GGTA1: variants seen among roughly 807,000 people sequenced by gnomAD.
GGTA1 encodes the protein inactive N-acetyllactosaminide alpha-1,3-galactosyltransferase.
A neutral mutation model predicts 2.6 loss-of-function variants in GGTA1; 5 were observed. That is an observed-to-expected ratio of 1.92 (90% CI 1.00 to 4.04). The LOEUF is 4.04. GGTA1 is among the 30% of genes most tolerant of loss of function. The pLI, the probability that GGTA1 is intolerant of heterozygous loss-of-function variation, is 0.00. For missense variants in GGTA1, 50 were observed against 16.7 expected (o/e 2.99, Z -3.47); for synonymous variants, 17 against 5.0 (o/e 3.38, Z -3.19).
chr9:121,461,343 A>G (rs1052692612), intron 3 of GGTA1, 26 bp from the exon 4 acceptor site: 1 of 453,242 alleles, frequency 2.2e-6, no homozygotes, highest in East Asian at 7.0e-5. Context: ...GTTTACAAAT[A>G]TTTTTAGAAA....
intron 1 of GGTA1, chr9:121,478,980 T>C (rs1173318816): frequency 2.3e-6 from 1 of 443,040 alleles, no homozygotes; most frequent in African/African-American, 2.1e-5. Context: ...ATTAACAACT[T>C]AAATCCTTCA....
chr9:121,449,247 T>C (rs2064866595), intron 7 of GGTA1, among the ~76,000 whole-genome samples: 1 of 152,262 alleles, frequency 6.6e-6, no homozygotes, highest in African/African-American at 2.4e-5. Flanking sequence ...AAATAAAGCT[T>C]CTGTAAATAT....
chr9:121,472,897 G>T (rs1305026783), intron 1 of GGTA1, among the ~76,000 whole-genome samples: 1 of 152,130 alleles, frequency 6.6e-6, no homozygotes, highest in Non-Finnish European at 1.5e-5. Context: ...TCCAAATACA[G>T]AGATGTTTAT....
chr9:121,453,255 A>G (rs1317581216), downstream of GGTA1, among the ~76,000 whole-genome samples: 1 of 152,224 alleles, frequency 6.6e-6, no homozygotes, highest in Non-Finnish European at 1.5e-5. Flanking sequence ...GGGCTCTGGC[A>G]AGGACCTTCT....
intron 5 of GGTA1, among the ~76,000 whole-genome samples, chr9:121,459,029 C>A (rs550577827): frequency 6.6e-6 from 1 of 152,296 alleles, no homozygotes; most frequent in South Asian, 2.1e-4. Flanking sequence ...TTGTGCAGAT[C>A]ATCAAATGAC....
At chr9:121,459,810 C>A (rs911320784) in intron 5 of GGTA1, among the ~76,000 whole-genome samples, 1 of 152,202 alleles carries the variant, frequency 6.6e-6, no homozygotes, top group African/African-American at 2.4e-5. Context: ...AGTAACGACC[C>A]CTGTGAGACC....
At chr9:121,499,379 T>A (rs1829058218) in intron 1 of GGTA1, among the ~76,000 whole-genome samples, 1 of 151,894 alleles carries the variant, frequency 6.6e-6, no homozygotes, top group Non-Finnish European at 1.5e-5. Context: ...TGGGGGAACC[T>A]CAGCTTGCAG....
At chr9:121,480,924 C>A (rs545994863) in intron 1 of GGTA1, among the ~76,000 whole-genome samples, 1 of 151,924 alleles carries the variant, frequency 6.6e-6, no homozygotes, top group Non-Finnish European at 1.5e-5. Context: ...GAGGCCGAGG[C>A]GGGTGGACCA....
chr9:121,489,308 C>A (rs1472245864), intron 1 of GGTA1, among the ~76,000 whole-genome samples: 1 of 152,166 alleles, frequency 6.6e-6, no homozygotes, highest in Admixed American at 6.5e-5. Context: ...AAGCGATCCT[C>A]CCACCTTAGC....
chr9:121,467,399 T>G (rs891155101), intron 2 of GGTA1, among the ~76,000 whole-genome samples: 3 of 152,360 alleles, frequency 2.0e-5, no homozygotes, highest in African/African-American at 7.2e-5. Flanking sequence ...CAATTCAGTA[T>G]GTATTTTGCA....
At chr9:121,497,880 G>A (rs1380197998) in intron 1 of GGTA1, among the ~76,000 whole-genome samples, 1 of 152,130 alleles carries the variant, frequency 6.6e-6, no homozygotes, top group Non-Finnish European at 1.5e-5. Context: ...GAGAGCTGGT[G>A]GTAAGAGCTG....
At chr9:121,453,191 C>T (rs1251463081), downstream of GGTA1, among the ~76,000 whole-genome samples, 6 of 152,166 alleles carry the variant, frequency 3.9e-5, no homozygotes, top group South Asian at 2.1e-4. Flanking sequence ...GAGACAAAGG[C>T]GCCAGAAAGG....
At chr9:121,447,756 T>TC (rs1270604584) in intron 7 of GGTA1, among the ~76,000 whole-genome samples, 1 of 152,142 alleles carries the variant, frequency 6.6e-6, no homozygotes, top group African/African-American at 2.4e-5. Context: ...TATTTTATGG[T>TC]TAGTAGGAGA....
At chr9:121,459,034 A>G (rs901288917) in intron 5 of GGTA1, among the ~76,000 whole-genome samples, 9 of 152,176 alleles carry the variant, frequency 5.9e-5, no homozygotes, top group African/African-American at 1.4e-4. Context: ...CAGATCATCA[A>G]ATGACATATG....
intron 1 of GGTA1, among the ~76,000 whole-genome samples, chr9:121,482,034 A>C (rs1828664658): frequency 6.6e-6 from 1 of 151,874 alleles, no homozygotes; most frequent in African/African-American, 2.4e-5. Flanking sequence ...CAGAAATCAG[A>C]AATCTTCCTG....
chr9:121,466,212 GC>G (rs1465941933), intron 2 of GGTA1, among the ~76,000 whole-genome samples: 2 of 152,150 alleles, frequency 1.3e-5, no homozygotes, highest in Non-Finnish European at 2.9e-5. Context: ...GAGCCACCAT[GC>G]CCAGCCTATT....
At chr9:121,477,058 G>A (rs974451143) in intron 1 of GGTA1, among the ~76,000 whole-genome samples, 3 of 152,204 alleles carry the variant, frequency 2.0e-5, no homozygotes, top group African/African-American at 7.2e-5. Context: ...CTGCTCAGGG[G>A]TCACTATGAT....
intron 5 of GGTA1, among the ~76,000 whole-genome samples, chr9:121,456,249 G>A (rs1224033170): frequency 6.6e-6 from 1 of 152,160 alleles, no homozygotes; most frequent in Non-Finnish European, 1.5e-5. Context: ...TTCCACGTAG[G>A]ACATGCAATG....
chr9:121,492,796 G>GC (rs968348179), intron 1 of GGTA1, among the ~76,000 whole-genome samples: 15 of 152,052 alleles, frequency 9.9e-5, no homozygotes, highest in African/African-American at 3.4e-4. Flanking sequence ...TTTAAAGCAG[G>GC]CCCCCCTGAA....
Sources: allele counts gnomAD v4.1 joint callset (sites outside exome capture counted in the v4.1 genomes callset), GRCh38; gene constraint gnomAD v4.1.1; transcripts MANE v1.5; gene names NCBI Gene and HGNC (gene_info 2026-07-23, HGNC 2026-07-21).